The following WLS variants were observed in gnomAD, a reference collection of about 807,000 sequenced individuals.
WLS encodes Wnt ligand secretion mediator, also known as protein wntless homolog.
WLS carries 23 observed loss-of-function variants against 62.8 expected under a neutral mutation model. The ratio of observed to expected loss-of-function variants is 0.37; its 90% CI spans 0.26 to 0.52. The LOEUF is 0.52. Among genes scored for constraint, WLS ranks in the 20% least tolerant of loss-of-function variants. The probability of loss-of-function intolerance (pLI) is 0.92; values close to 1 mark genes in which losing one functional copy is unlikely to be tolerated. For synonymous variants in WLS, 246 were observed against 244.1 expected (o/e 1.01, Z -0.07); for missense variants, 615 against 697.3 (o/e 0.88, Z 1.33).
intron 1 of WLS, among the ~76,000 whole-genome samples, chr1:68,228,737 T>TA (rs766982862): frequency 1.3e-5 from 2 of 148,926 alleles, no homozygotes; most frequent in African/African-American, 2.5e-5. Context: ...AAGCATTATA[T>TA]AAATCAGTGA....
At chr1:68,162,730 A>G (rs780738164) in intron 2 of WLS, 1 of 1,159,178 alleles carries the variant, frequency 8.6e-7, no homozygotes, top group Admixed American at 1.8e-5. Flanking sequence ...GCACACAGCA[A>G]TTCCGAGCTC....
At chr1:68,229,398 A>G (rs1480898181) in intron 1 of WLS, among the ~76,000 whole-genome samples, 1 of 151,688 alleles carries the variant, frequency 6.6e-6, no homozygotes, top group Admixed American at 6.6e-5. Flanking sequence ...TCTTTTTCTC[A>G]CTTGGCCTAC....
At position 68,105,597 on chromosome 1, in the gene WLS, A is replaced by G. The variant is rs1024148108; in HGVS notation, c.1511-6844T>C. Among the ~76,000 whole-genome samples, 10 of 152,326 alleles carry G rather than the reference A, an allele frequency of 6.6e-5. 1 individual carries two copies. Among genetic ancestry groups the G allele is most frequent in the Middle Eastern group, 3.4e-3 (1 of 294 alleles). ...GCTTTCCAGGAAGTCCAAAACCCAA[A>G]TGAAAAAGGCATCTTGATTTTCTCT... On this transcript the variant is annotated intron_variant, in intron 11 of 11. Transcript: ENST00000354777.
At chr1:68,185,264 C>G (rs1335734677) in intron 2 of WLS, among the ~76,000 whole-genome samples, 2 of 152,186 alleles carry the variant, frequency 1.3e-5, no homozygotes, top group African/African-American at 4.8e-5. Flanking sequence ...GACCCTCCTC[C>G]TTAGGATTGA....
intron 1 of WLS, among the ~76,000 whole-genome samples, chr1:68,220,013 G>C (rs17130590): frequency 0.12 from 17,903 of 152,036 alleles, 1,375 homozygotes; most frequent in East Asian, 0.37. Context: ...ATTTAAAAAA[G>C]TCATGCTACC....
At chr1:68,152,433 G>A (rs1646839449) in intron 5 of WLS, among the ~76,000 whole-genome samples, 1 of 152,212 alleles carries the variant, frequency 6.6e-6, no homozygotes, top group Non-Finnish European at 1.5e-5. Context: ...AAGGAGACAG[G>A]AATGGAATCT....
chr1:68,213,760 A>T (rs894574599), intron 1 of WLS, among the ~76,000 whole-genome samples: 1 of 152,156 alleles, frequency 6.6e-6, no homozygotes, highest in African/African-American at 2.4e-5. Flanking sequence ...GTCTTATTTT[A>T]TGGATCTTGT....
At chr1:68,107,957 C>G (rs899235506) in intron 11 of WLS, among the ~76,000 whole-genome samples, 25 of 152,134 alleles carry the variant, frequency 1.6e-4, no homozygotes, top group Non-Finnish European at 3.5e-4. Context: ...GACCCAGCTC[C>G]CCGGGAGATG....
At chr1:68,104,554 C>T (rs1406138043) in intron 11 of WLS, among the ~76,000 whole-genome samples, 1 of 152,132 alleles carries the variant, frequency 6.6e-6, no homozygotes, top group Non-Finnish European at 1.5e-5. Flanking sequence ...TGTCCAGGGT[C>T]CCTCCTAGCT....
intron 11 of WLS, among the ~76,000 whole-genome samples, chr1:68,133,342 C>CCA (rs1646558927): frequency 1.3e-5 from 2 of 152,140 alleles, no homozygotes; most frequent in Admixed American, 1.3e-4. Flanking sequence ...GAATGTGGCG[C>CCA]CACACTCCCG....
At chr1:68,168,135 A>G (rs952570587) in intron 2 of WLS, among the ~76,000 whole-genome samples, 2 of 152,146 alleles carry the variant, frequency 1.3e-5, no homozygotes, top group African/African-American at 4.8e-5. Flanking sequence ...AATCGCTAGG[A>G]AAGAGGTCTA....
At chr1:68,229,676 T>C (rs1296462307) in intron 1 of WLS, among the ~76,000 whole-genome samples, 1 of 151,964 alleles carries the variant, frequency 6.6e-6, no homozygotes, top group East Asian at 2.0e-4. Flanking sequence ...GATATTTATT[T>C]CCCATATTTG....
downstream of WLS, among the ~76,000 whole-genome samples, chr1:68,124,041 C>T (rs555999322): frequency 6.6e-6 from 1 of 152,304 alleles, no homozygotes; most frequent in Admixed American, 6.5e-5. Flanking sequence ...CTCTCTCTGT[C>T]CGAAACCCCA....
Position 68,104,600 on chromosome 1 carries a change from C to T in WLS, c.1511-5847G>A, listed in dbSNP as rs867151331. Among the ~76,000 whole-genome samples, 42 of 152,268 alleles carry T rather than the reference C, an allele frequency of 2.8e-4. 1 individual carries two copies. In the Middle Eastern group the frequency reaches 0.014, roughly 49 times the overall value. ...TTTTGCTGTCAAGTTTGTGAGTTCA[C>T]CTTCTGTATTTTAAAATTCAGGATT... On this transcript the variant is annotated intron_variant, in intron 11 of 11. Coordinates refer to the WLS transcript ENST00000354777.
At position 68,210,782 on chromosome 1, in the gene WLS, G is replaced by C. The variant is rs1649482496; in HGVS notation, c.107-16555C>G. Among the ~76,000 whole-genome samples, 3 of 152,312 alleles carry C rather than the reference G, an allele frequency of 2.0e-5. No homozygotes were observed. The East Asian group carries it at 5.8e-4, about 29-fold the overall frequency. Reference sequence around the variant, plus strand: ...GGAGAGGTAAACTACAATCTCACCTGGGAAGAAAATGTTGTTTAGGTGACA... The same window carrying C: ...GGAGAGGTAAACTACAATCTCACCTCGGAAGAAAATGTTGTTTAGGTGACA... On this transcript the variant is annotated intron_variant, in intron 1 of 11. Transcript: ENST00000262348.
At chr1:68,162,409 G>T (rs1646990906) in intron 2 of WLS, 2 of 1,613,726 alleles carry the variant, frequency 1.2e-6, no homozygotes, top group African/African-American at 2.7e-5. Flanking sequence ...ATCCTACAGA[G>T]TGTAGACCCT....
chr1:68,126,319 A>G lies in WLS; in HGVS notation c.1533T>C (p.His511=). The G allele has an allele frequency of 1.9e-6, 3 of 1,614,044 alleles. No homozygotes were observed. Among genetic ancestry groups the G allele is most frequent in the Non-Finnish European group, 2.5e-6 (3 of 1,180,010 alleles). ...EDQSNGDLGV[H]SGEELQLTTT... ...TGGTGAGCTGGAGTTCTTCCCCACT[A>G]TGGACACCCAGATCGCCTGAAACAG... The change falls in exon 12 of 12, where the codon CAT becomes CAC. Residue 511 remains histidine, a synonymous_variant. Coordinates refer to ENST00000262348, the MANE Select transcript of WLS (RefSeq NM_024911.7).
At chr1:68,160,346 A>G (rs1646956080) in intron 2 of WLS, among the ~76,000 whole-genome samples, 1 of 152,048 alleles carries the variant, frequency 6.6e-6, no homozygotes, top group Non-Finnish European at 1.5e-5. Flanking sequence ...ACCCACCATT[A>G]CAACTTAAGG....
intron 11 of WLS, among the ~76,000 whole-genome samples, chr1:68,112,690 G>T (rs1646243610): frequency 6.6e-6 from 1 of 152,198 alleles, no homozygotes; most frequent in Admixed American, 6.5e-5. Flanking sequence ...TTACTGAAAA[G>T]TGTCCTTGTA....
Sources: gnomAD v4.1 joint callset for allele counts (sites outside exome capture counted in the v4.1 genomes callset) on GRCh38, gnomAD v4.1.1 for gene constraint, MANE v1.5 for transcripts, NCBI Gene and HGNC (gene_info 2026-07-23, HGNC 2026-07-21) for gene names.